Variants in CLUAP1 observed in about 807,000 individuals in gnomAD.
The protein encoded by CLUAP1 is intraflagellar transport 38.
A neutral mutation model predicts 55.0 loss-of-function variants in CLUAP1; 50 were observed. The ratio of observed to expected loss-of-function variants is 0.91; its 90% CI spans 0.72 to 1.15. The LOEUF (loss-of-function observed/expected upper bound fraction) is 1.15. CLUAP1 is among the 50% of genes most tolerant of loss of function. CLUAP1 has a pLI of 0.00. For missense variants in CLUAP1, 530 were observed against 507.6 expected, an observed-to-expected ratio of 1.04 and a Z score of -0.42; for synonymous variants, 195 against 175.4, an observed-to-expected ratio of 1.11 and a Z score of -0.88.
intron 6 of CLUAP1, among the ~76,000 whole-genome samples, chr16:3,516,878 G>A (rs1159757319): frequency 1.3e-5 from 2 of 152,152 alleles, no homozygotes; most frequent in Non-Finnish European, 2.9e-5. Flanking sequence ...GTAAGGAAGA[G>A]TTCAAAGGAG....
At chr16:3,497,688 A>T (rs2151034748), upstream of CLUAP1, among the ~76,000 whole-genome samples, 1 of 152,324 alleles carries the variant, frequency 6.6e-6, no homozygotes, top group Admixed American at 6.5e-5. Context: ...CAGTGACATG[A>T]TCACGGCTCA....
intron 3 of CLUAP1, 27 bp from the exon 4 acceptor site, chr16:3,508,262 C>CTTTT: frequency 7.2e-7 from 1 of 1,387,190 alleles, no homozygotes; most frequent in South Asian, 1.3e-5. Context: ...GGGCCTTCAA[C>CTTTT]TTTTTTTTTT....
chr16:3,526,333 T>G, intron 8 of CLUAP1, 79 bp from the exon 9 acceptor site: 1 of 920,318 alleles, frequency 1.1e-6, no homozygotes, highest in Non-Finnish European at 1.6e-6. Flanking sequence ...AACTTAGCAG[T>G]CCTTACACAG....
At chr16:3,501,472 T>C (rs535393634) in intron 1 of CLUAP1, among the ~76,000 whole-genome samples, 3 of 152,226 alleles carry the variant, frequency 2.0e-5, no homozygotes, top group Non-Finnish European at 4.4e-5. Flanking sequence ...TGAGTTGGGT[T>C]AGCTTAGCGC....
At chr16:3,513,149 T>C (rs1430766014) in intron 5 of CLUAP1, among the ~76,000 whole-genome samples, 1 of 152,246 alleles carries the variant, frequency 6.6e-6, no homozygotes, top group Non-Finnish European at 1.5e-5. Flanking sequence ...TCCCCGACCT[T>C]GCTGCCCAGT....
chr16:3,507,419 G>A (rs907429027), intron 3 of CLUAP1, among the ~76,000 whole-genome samples: 10 of 151,518 alleles, frequency 6.6e-5, no homozygotes, highest in African/African-American at 2.4e-4. Flanking sequence ...AATTAGATGG[G>A]CCTGGTGACA....
upstream of CLUAP1, among the ~76,000 whole-genome samples, chr16:3,496,034 A>T (rs1210319830): frequency 1.3e-5 from 2 of 152,006 alleles, no homozygotes; most frequent in African/African-American, 4.8e-5. Flanking sequence ...CCAGTTACTC[A>T]GGAGGCTGAG....
intron 10 of CLUAP1, 95 bp downstream of exon 10, chr16:3,530,770 C>T: frequency 1.1e-6 from 1 of 888,726 alleles, no homozygotes; most frequent in South Asian, 1.5e-5. Flanking sequence ...TTGAGGCCCA[C>T]AAGCGTGCTG....
intron 7 of CLUAP1, among the ~76,000 whole-genome samples, chr16:3,522,234 GCTCACTGCAACCTCCACCTCCC>G (rs2037852339): frequency 6.6e-6 from 1 of 151,978 alleles, no homozygotes; most frequent in Non-Finnish European, 1.5e-5. Flanking sequence ...CGCAATCTCG[GCTCACTGCAACCTCCACCTCCC>G]AGGTTCAAGC....
At chr16:3,507,120 T>C (rs2037522100) in intron 3 of CLUAP1, among the ~76,000 whole-genome samples, 1 of 150,866 alleles carries the variant, frequency 6.6e-6, no homozygotes, top group Non-Finnish European at 1.5e-5. Context: ...GGTGTGAACC[T>C]GGGAGGCAGA....
chr16:3,496,501 A>G, upstream of CLUAP1: 21 of 636,220 alleles, frequency 3.3e-5, no homozygotes, highest in South Asian at 2.7e-4. Flanking sequence ...CCCAAACTTA[A>G]GGTGTGTGCG....
intron 6 of CLUAP1, among the ~76,000 whole-genome samples, chr16:3,518,429 G>A (rs2037770202): frequency 1.3e-5 from 2 of 152,088 alleles, no homozygotes; most frequent in African/African-American, 4.8e-5. Context: ...AAAACAACAT[G>A]GGTACTTAAA....
intron 2 of CLUAP1, among the ~76,000 whole-genome samples, chr16:3,505,327 A>G (rs1395408157): frequency 6.6e-6 from 1 of 152,098 alleles, no homozygotes; most frequent in Non-Finnish European, 1.5e-5. Flanking sequence ...TCAGGAGATC[A>G]AGACCATCCT....
chr16:3,527,430 G>A lies in CLUAP1; in HGVS notation c.928+946G>A, dbSNP rs550866380. 7.2e-5 allele frequency among the ~76,000 whole-genome samples: 11 copies of A among 152,284 alleles called. No homozygotes were observed. The East Asian group carries it at 1.7e-3, about 24-fold the overall frequency. ...GGCCACCAGAGGGCTCCTTGGTCTA[G>A]TGGGAACACCAGCGTCTGGGAAGCC... On this transcript the variant is annotated intron_variant, in intron 9 of 11. Coordinates refer to ENST00000576634, the MANE Select transcript of CLUAP1 (RefSeq NM_015041.3).
upstream of CLUAP1, among the ~76,000 whole-genome samples, chr16:3,497,149 G>C (rs2037322999): frequency 6.6e-6 from 1 of 151,658 alleles, no homozygotes; most frequent in Non-Finnish European, 1.5e-5. Context: ...GGGATTACAG[G>C]CATGACCCAC....
intron 11 of CLUAP1, chr16:3,535,589 TG>T: frequency 6.5e-6 from 1 of 152,814 alleles, no homozygotes; most frequent in Non-Finnish European, 1.5e-5. Context: ...CTTTTTTTTT[TG>T]AGATGGAGTC....
At chr16:3,500,770 C>G (rs942452166), upstream of CLUAP1, among the ~76,000 whole-genome samples, 4 of 152,216 alleles carry the variant, frequency 2.6e-5, no homozygotes, top group Admixed American at 2.6e-4. Flanking sequence ...AACCTGTCAC[C>G]CAGCGCGAAA....
rs573406182 is a variant in CLUAP1, at chr16:3,523,513, G to A, written c.855+214G>A. Among the ~76,000 whole-genome samples the A allele has an allele frequency of 2.6e-5, 4 of 152,338 alleles. No homozygotes were observed. The East Asian group carries it at 7.7e-4, about 29-fold the overall frequency. On this transcript the variant is annotated intron_variant, in intron 8 of 11. Transcript: ENST00000576634. The stretch of plus-strand genomic sequence containing the variant: ...AAATCTTTGATGTCATATTTCATCA[G>A]GTTTGGTCAGTTAAGAGAACAGACA...
chr16:3,529,462 A>T (rs1479558688), intron 9 of CLUAP1, among the ~76,000 whole-genome samples: 7 of 77,764 alleles, frequency 9.0e-5, no homozygotes, highest in East Asian at 6.0e-4. Flanking sequence ...TATTATATAT[A>T]ATATATATTA....
Sources: gnomAD v4.1 joint callset for allele counts (sites outside exome capture counted in the v4.1 genomes callset) on GRCh38, gnomAD v4.1.1 for gene constraint, MANE v1.5 for transcripts, NCBI Gene and HGNC (gene_info 2026-07-23, HGNC 2026-07-21) for gene names.